ZCCHC14: variants seen among roughly 807,000 people sequenced by gnomAD.
ZCCHC14 encodes zinc finger CCHC-type containing 14.
In ZCCHC14, 16 loss-of-function variants were observed where a neutral mutation model predicts 85.0. The observed-to-expected ratio is 0.19, with a 90% CI of 0.13 to 0.29. The LOEUF is 0.29. Ranked by LOEUF, ZCCHC14 falls within the 10% of genes least tolerant of loss-of-function variation. The probability of loss-of-function intolerance (pLI) is 1.00; values close to 1 mark genes in which losing one functional copy is unlikely to be tolerated. For missense variants in ZCCHC14, 1,303 were observed against 1,443.5 expected (o/e 0.90, Z 1.58); for synonymous variants, 775 against 630.7 (o/e 1.23, Z -3.43).
At chr16:87,470,274 G>A (rs764206740) in intron 1 of ZCCHC14, 3 of 152,074 alleles carry the variant, frequency 2.0e-5, no homozygotes, top group Non-Finnish European at 4.4e-5. Context: ...AGGCTGCAAT[G>A]AGCTATGATT....
chr16:87,468,093 C>T (rs1252013530), intron 1 of ZCCHC14, among the ~76,000 whole-genome samples: 1 of 152,172 alleles, frequency 6.6e-6, no homozygotes, highest in Non-Finnish European at 1.5e-5. Context: ...AAGAATGGTA[C>T]ATTTAAGATA....
intron 1 of ZCCHC14, chr16:87,471,249 T>A (rs575891667): frequency 2.6e-5 from 4 of 152,354 alleles, no homozygotes; most frequent in East Asian, 1.9e-4. Context: ...CAAAATAGAT[T>A]TGTAAGCATT....
At chr16:87,464,565 G>C (rs111809800) in intron 1 of ZCCHC14, among the ~76,000 whole-genome samples, 2 of 152,134 alleles carry the variant, frequency 1.3e-5, no homozygotes, top group East Asian at 1.9e-4. Flanking sequence ...GGGAAAGCCC[G>C]TGAGCCACCC....
At chr16:87,461,826 G>C (rs1911273299) in intron 1 of ZCCHC14, among the ~76,000 whole-genome samples, 1 of 152,234 alleles carries the variant, frequency 6.6e-6, no homozygotes, top group South Asian at 2.1e-4. Flanking sequence ...TCTGATCCCA[G>C]CTCTGTCAAT....
chr16:87,451,697 C>A (rs1910713519), intron 2 of ZCCHC14, among the ~76,000 whole-genome samples: 1 of 152,150 alleles, frequency 6.6e-6, no homozygotes, highest in Non-Finnish European at 1.5e-5. Context: ...CTATTCTGGG[C>A]AGAGGGATGC....
intron 8 of ZCCHC14, among the ~76,000 whole-genome samples, chr16:87,416,957 G>A (rs1263700770): frequency 6.6e-6 from 1 of 152,174 alleles, no homozygotes; most frequent in Non-Finnish European, 1.5e-5. Flanking sequence ...CCTTGTATGG[G>A]TTTAATCTAG....
chr16:87,414,807 G>A (rs1039793268), intron 9 of ZCCHC14, among the ~76,000 whole-genome samples: 10 of 152,240 alleles, frequency 6.6e-5, no homozygotes, highest in Non-Finnish European at 1.2e-4. Flanking sequence ...TAGGCCAGGC[G>A]CGGTGGCTCA....
chr16:87,412,997 G>A (rs371405136), intron 11 of ZCCHC14, 21 bp from the exon 12 acceptor site: 36 of 1,613,758 alleles, frequency 2.2e-5, no homozygotes, highest in Non-Finnish European at 3.0e-5. Context: ...AAACAAGAGT[G>A]GTCAGTGCCA....
intron 2 of ZCCHC14, among the ~76,000 whole-genome samples, chr16:87,448,932 A>T (rs959932076): frequency 6.6e-6 from 1 of 152,228 alleles, no homozygotes; most frequent in Non-Finnish European, 1.5e-5. Context: ...AGCTGTGGCC[A>T]TAAGACTCAC....
At chr16:87,415,989 C>T (rs550542835) in intron 8 of ZCCHC14, among the ~76,000 whole-genome samples, 17 of 152,154 alleles carry the variant, frequency 1.1e-4, no homozygotes, top group Admixed American at 6.5e-4. Context: ...TGCAGTGGTG[C>T]GATCTCGGCT....
intron 2 of ZCCHC14, among the ~76,000 whole-genome samples, chr16:87,442,495 G>C (rs182473417): frequency 1.3e-5 from 2 of 152,252 alleles, no homozygotes; most frequent in East Asian, 3.9e-4. Flanking sequence ...AACAGGGAGG[G>C]GCAAACACTC....
chr16:87,454,045 A>G (rs1163690206), intron 2 of ZCCHC14, among the ~76,000 whole-genome samples: 1 of 152,248 alleles, frequency 6.6e-6, no homozygotes, highest in Admixed American at 6.5e-5. Flanking sequence ...TTGGTGTACC[A>G]GCAGACTGAA....
At chr16:87,448,066 T>C (rs1219893189) in intron 2 of ZCCHC14, among the ~76,000 whole-genome samples, 1 of 152,202 alleles carries the variant, frequency 6.6e-6, no homozygotes, top group Non-Finnish European at 1.5e-5. Context: ...AATATATGTG[T>C]AATCTACTGC....
chr16:87,462,745 AAAAAAAG>A (rs1268871733), intron 1 of ZCCHC14, among the ~76,000 whole-genome samples: 41 of 150,382 alleles, frequency 2.7e-4, no homozygotes, highest in Admixed American at 7.9e-4. Flanking sequence ...CACAAAAAAA[AAAAAAAG>A]AAAAAAGAAA....
rs754155983 is a variant in ZCCHC14, at chr16:87,414,431, C to T, written c.1586G>A (p.Arg529Gln). ...TSHVGPVQSGRGSHAAELRVE... is the reference protein window; with the variant it reads ...TSHVGPVQSGQGSHAAELRVE... ...TTGTTCACCTGCTGCATGGCTGCCC[C>T]GCCCCGACTGCACGGGCCCGACGTG... Residue 529 changes from arginine to glutamine, a missense_variant, in exon 10 of 13, where the codon CGG (arginine) becomes CAG (glutamine). By Grantham distance (43) the Arg-to-Gln change is conservative. This residue lies in a region of ZCCHC14 where 58 missense variants were observed against 88.2 expected (regional missense o/e 0.66). Transcript: ENST00000671377. The T allele has an allele frequency of 1.1e-5, 18 of 1,613,000 alleles. No homozygotes were observed. The highest frequency in any genetic ancestry group is 1.7e-5 in the Admixed American group (1 of 59,988).
chr16:87,418,113 A>C (rs2150726489), intron 7 of ZCCHC14, among the ~76,000 whole-genome samples: 1 of 152,330 alleles, frequency 6.6e-6, no homozygotes, highest in East Asian at 1.9e-4. Flanking sequence ...AGTTTCTGTT[A>C]CTTGTATTTT....
intron 2 of ZCCHC14, among the ~76,000 whole-genome samples, chr16:87,436,359 G>A (rs1909920293): frequency 6.6e-6 from 1 of 152,274 alleles, no homozygotes; most frequent in Non-Finnish European, 1.5e-5. Context: ...GAGCGACGCA[G>A]CGAGGCTCCC....
In ZCCHC14 at chr16:87,485,973, A is replaced by G. The variant is rs527412964; in HGVS notation, c.570+5696T>C. ...AACAAATGATACCATCGTATTACTC[A>G]TCATACCCAAATATGACACAGAATT... On this transcript the variant is annotated intron_variant, in intron 1 of 12. Transcript: ENST00000671377. Among the ~76,000 whole-genome samples the G allele has an allele frequency of 1.1e-4, 16 of 152,330 alleles. No individual in the cohort carries two copies. In the South Asian group the frequency reaches 3.3e-3, roughly 32 times the overall value.
Position 87,411,765 on chromosome 16 carries a change from C to G in ZCCHC14, c.2956G>C (p.Val986Leu), listed in dbSNP as rs375680367. ...CTGCTGCTGTAAGGGGCGTGCACGA[C>G]GGGGAAGGTGGAGCCGCCGCCGTAC... ...QQYGGGSTFP[V>L]VHAPYSSSGT... The change falls in exon 12 of 13, where the codon GTC becomes CTC. Residue 986 changes from valine (V) to leucine (L), a missense_variant. This residue lies in a region of ZCCHC14 where 797 missense variants were observed against 730.8 expected (regional missense o/e 1.09). Coordinates refer to ENST00000671377, the MANE Select transcript of ZCCHC14 (RefSeq NM_015144.3). 9.3e-6 allele frequency: 15 copies of G among 1,611,792 alleles called. No individual in the cohort carries two copies. The highest frequency in any genetic ancestry group is 8.5e-7 in the Non-Finnish European group (1 of 1,178,876).
Sources: gnomAD v4.1 joint callset for allele counts (sites outside exome capture counted in the v4.1 genomes callset) on GRCh38, gnomAD v4.1.1 for gene constraint, gnomAD v4.1.1 regional missense constraint, MANE v1.5 for transcripts, NCBI Gene and HGNC (gene_info 2026-07-23, HGNC 2026-07-21) for gene names.